The following CORO2A variants were observed in gnomAD, a reference collection of about 807,000 sequenced individuals.
CORO2A encodes coronin-2A.
CORO2A carries 47 observed loss-of-function variants against 62.4 expected under a neutral mutation model. The ratio of observed to expected loss-of-function variants is 0.75; its 90% confidence interval spans 0.60 to 0.96. The LOEUF is 0.96. Ranked by LOEUF, CORO2A falls within the 40% of genes least tolerant of loss-of-function variation. The pLI is 0.00. For synonymous variants in CORO2A, 273 were observed against 268.9 expected (o/e 1.02, Z -0.15); for missense variants, 610 against 684.1 (o/e 0.89, Z 1.21).
At chr9:98,188,928 C>A (rs993817059) in intron 1 of CORO2A, among the ~76,000 whole-genome samples, 6 of 151,972 alleles carry the variant, frequency 3.9e-5, no homozygotes, top group Admixed American at 1.3e-4. Context: ...GGCGGTAAAC[C>A]CTCAATGAAT....
chr9:98,156,710 A>G (rs1827807404), intron 2 of CORO2A, among the ~76,000 whole-genome samples: 1 of 151,734 alleles, frequency 6.6e-6, no homozygotes, highest in South Asian at 2.1e-4. Context: ...GTTTCAGCTG[A>G]CTCTCACTCA....
chr9:98,181,821 A>G (rs764133483), intron 1 of CORO2A, among the ~76,000 whole-genome samples: 93 of 152,018 alleles, frequency 6.1e-4, no homozygotes, highest in Non-Finnish European at 1.0e-3. Flanking sequence ...CCCTCACATC[A>G]TGTTTTCATC....
In CORO2A at chr9:98,131,026, G is replaced by C; in HGVS notation, c.799C>G (p.Leu267Val). 1 of 1,613,804 alleles carries C rather than the reference G, an allele frequency of 6.2e-7. No homozygotes were observed. Among genetic ancestry groups the C allele is most frequent in the Non-Finnish European group, 8.5e-7 (1 of 1,179,894 alleles). Residue 267 changes from leucine (L) to valine (V), a missense_variant, in exon 7 of 12, where the codon CTG becomes GTG. Leu to Val is a conservative substitution (Grantham distance 32). Coordinates refer to ENST00000375077, the MANE Select transcript of CORO2A (RefSeq NM_052820.4). Reference protein sequence around the residue: ...NLSVPLMEEDLDGSSGVLFPF... With the variant: ...NLSVPLMEEDVDGSSGVLFPF... ...AACAGCACGCCCGAGGAGCCGTCCA[G>C]GTCCTCCTCCATCAGAGGCACAGAG...
At chr9:98,140,604 C>T (rs1198799033) in intron 2 of CORO2A, among the ~76,000 whole-genome samples, 2 of 152,106 alleles carry the variant, frequency 1.3e-5, no homozygotes, top group Non-Finnish European at 2.9e-5. Context: ...TCACCAAGCT[C>T]AGCTAATTTT....
intron 1 of CORO2A, among the ~76,000 whole-genome samples, chr9:98,188,581 A>G (rs1009756295): frequency 6.6e-6 from 1 of 152,142 alleles, no homozygotes; most frequent in Non-Finnish European, 1.5e-5. Flanking sequence ...CCTGGCCAAC[A>G]TGGCGAAACA....
At chr9:98,183,494 C>A (rs1464739155) in intron 1 of CORO2A, among the ~76,000 whole-genome samples, 2 of 152,126 alleles carry the variant, frequency 1.3e-5, no homozygotes, top group African/African-American at 4.8e-5. Context: ...GATGTCAGAC[C>A]GGCCTGAGTA....
At chr9:98,178,507 A>C (rs1828138096) in intron 1 of CORO2A, among the ~76,000 whole-genome samples, 1 of 152,260 alleles carries the variant, frequency 6.6e-6, no homozygotes, top group African/African-American at 2.4e-5. Flanking sequence ...TGGATTAATT[A>C]GTCTGGATTA....
intron 1 of CORO2A, among the ~76,000 whole-genome samples, chr9:98,160,082 G>T (rs968696478): frequency 6.6e-6 from 1 of 152,216 alleles, no homozygotes; most frequent in African/African-American, 2.4e-5. Flanking sequence ...TCTTGCAGGG[G>T]CTTGTGTATC....
intron 1 of CORO2A, among the ~76,000 whole-genome samples, chr9:98,184,672 C>G (rs1456092809): frequency 2.0e-5 from 3 of 152,282 alleles, no homozygotes; most frequent in African/African-American, 7.2e-5. Flanking sequence ...GGGCTGTGAT[C>G]TGTGATGGGG....
At chr9:98,141,123 CA>C (rs368169601) in intron 2 of CORO2A, among the ~76,000 whole-genome samples, 2 of 149,302 alleles carry the variant, frequency 1.3e-5, no homozygotes, top group East Asian at 3.9e-4. Flanking sequence ...GAAAGAGAAC[CA>C]AAAAAAAAGG....
intron 3 of CORO2A, among the ~76,000 whole-genome samples, chr9:98,135,606 G>T (rs1358789992): frequency 6.6e-6 from 1 of 152,150 alleles, no homozygotes; most frequent in African/African-American, 2.4e-5. Context: ...ATGGCAGAGA[G>T]TAAGCTCCCT....
At chr9:98,125,930 C>A (rs1827311125) in intron 11 of CORO2A, among the ~76,000 whole-genome samples, 1 of 151,754 alleles carries the variant, frequency 6.6e-6, no homozygotes. Flanking sequence ...GTTGGCCAGG[C>A]TGGTCTCAAA....
chr9:98,155,050 C>T (rs746170770), intron 2 of CORO2A, among the ~76,000 whole-genome samples: 6 of 152,146 alleles, frequency 3.9e-5, no homozygotes, highest in Non-Finnish European at 8.8e-5. Flanking sequence ...AGTGTCTGAT[C>T]GTTTACACAA....
chr9:98,146,801 T>C (rs1461441326), intron 2 of CORO2A, among the ~76,000 whole-genome samples: 2 of 152,190 alleles, frequency 1.3e-5, no homozygotes, highest in African/African-American at 4.8e-5. Flanking sequence ...CTCAGCGACC[T>C]CATCTGTGCA....
intron 2 of CORO2A, among the ~76,000 whole-genome samples, chr9:98,143,414 G>A (rs775817507): frequency 3.9e-5 from 6 of 152,190 alleles, no homozygotes; most frequent in African/African-American, 7.2e-5. Context: ...GGTGGAGACT[G>A]GGAGGCAGGG....
chr9:98,152,270 T>C (rs1827736480), intron 2 of CORO2A, among the ~76,000 whole-genome samples: 1 of 152,070 alleles, frequency 6.6e-6, no homozygotes, highest in Non-Finnish European at 1.5e-5. Context: ...CCATGACCTT[T>C]TATCTTATTC....
At chr9:98,176,044 C>T (rs1265169836) in intron 1 of CORO2A, among the ~76,000 whole-genome samples, 1 of 152,148 alleles carries the variant, frequency 6.6e-6, no homozygotes, top group East Asian at 1.9e-4. Context: ...TTGAGCAGGG[C>T]TTACAGATTA....
At chr9:98,151,272 TA>T in intron 2 of CORO2A, among the ~76,000 whole-genome samples, 1 of 152,154 alleles carries the variant, frequency 6.6e-6, no homozygotes, top group East Asian at 1.9e-4. Flanking sequence ...GAATATGTCC[TA>T]AAAAAAGAGA....
intron 1 of CORO2A, among the ~76,000 whole-genome samples, chr9:98,184,287 C>T (rs1828211532): frequency 6.6e-6 from 1 of 151,812 alleles, no homozygotes; most frequent in South Asian, 2.1e-4. Flanking sequence ...TGGTCTCAAA[C>T]TCCTGGCTTC....
Sources: allele counts gnomAD v4.1 joint callset (sites outside exome capture counted in the v4.1 genomes callset), GRCh38; gene constraint gnomAD v4.1.1; transcripts MANE v1.5; gene names NCBI Gene and HGNC (gene_info 2026-07-23, HGNC 2026-07-21).